The following PXDN variants were observed in gnomAD, a reference collection of about 807,000 sequenced individuals.
The protein encoded by PXDN is peroxidasin.
PXDN carries 77 observed loss-of-function variants against 140.3 expected under a neutral mutation model. That is an observed-to-expected ratio of 0.55 (90% confidence interval 0.46 to 0.66). PXDN has a LOEUF of 0.66. Among genes scored for constraint, PXDN ranks in the 30% least tolerant of loss-of-function variants. The pLI, the probability that PXDN is intolerant of heterozygous loss-of-function variation, is 0.00. For missense variants in PXDN, 1,838 were observed against 2,039.5 expected (o/e 0.90, Z 1.90); for synonymous variants, 911 against 857.4 (o/e 1.06, Z -1.09).
intron 1 of PXDN, among the ~76,000 whole-genome samples, chr2:1,719,109 C>G (rs997622699): frequency 1.3e-5 from 2 of 152,202 alleles, no homozygotes; most frequent in Non-Finnish European, 2.9e-5. Context: ...GCTCCTTAGA[C>G]GAGCGAGCCA....
intron 6 of PXDN, among the ~76,000 whole-genome samples, chr2:1,681,139 C>G (rs932294407): frequency 1.1e-4 from 16 of 152,210 alleles, no homozygotes; most frequent in African/African-American, 3.6e-4. Context: ...CCCCTCCAGC[C>G]GGCCTGTGCA....
chr2:1,677,648 C>T (rs1177247404), intron 7 of PXDN, among the ~76,000 whole-genome samples: 6 of 151,130 alleles, frequency 4.0e-5, no homozygotes, highest in African/African-American at 1.5e-4. Context: ...GCTCCCAGGC[C>T]TTCCTCGAGG....
chr2:1,692,145 G>A (rs545715097), intron 2 of PXDN, 146 bp from the exon 3 acceptor site: 6 of 643,834 alleles, frequency 9.3e-6, no homozygotes, highest in East Asian at 2.8e-5. Context: ...CGCTGAACCC[G>A]CAGGACAAAA....
At chr2:1,674,250 C>A (rs985318933) in intron 8 of PXDN, among the ~76,000 whole-genome samples, 1 of 152,214 alleles carries the variant, frequency 6.6e-6, no homozygotes. Context: ...CACTCTGCAG[C>A]CCAGGCTGGA....
At chr2:1,718,922 G>T (rs897112011) in intron 1 of PXDN, among the ~76,000 whole-genome samples, 1 of 152,258 alleles carries the variant, frequency 6.6e-6, no homozygotes, top group East Asian at 1.9e-4. Context: ...CCAAAGAGGG[G>T]TTCTTATGGC....
At chr2:1,694,137 T>C (rs1684245552) in intron 1 of PXDN, among the ~76,000 whole-genome samples, 1 of 152,222 alleles carries the variant, frequency 6.6e-6, no homozygotes, top group Non-Finnish European at 1.5e-5. Context: ...CAATCTCTTT[T>C]AATATCGTCC....
chr2:1,742,093 G>A (rs1409069341), intron 1 of PXDN, among the ~76,000 whole-genome samples: 1 of 152,134 alleles, frequency 6.6e-6, no homozygotes, highest in Non-Finnish European at 1.5e-5. Flanking sequence ...TAAAAATCAC[G>A]CGGCTGCAAT....
chr2:1,653,206 G>A (rs114657422), intron 16 of PXDN: 233 of 314,540 alleles, frequency 7.4e-4, no homozygotes, highest in Non-Finnish European at 1.2e-3. Flanking sequence ...TCACAGACCC[G>A]GGACTCTTCC....
intron 1 of PXDN, among the ~76,000 whole-genome samples, chr2:1,739,882 C>G (rs1040271828): frequency 6.6e-6 from 1 of 152,232 alleles, no homozygotes; most frequent in Non-Finnish European, 1.5e-5. Flanking sequence ...AATGTATTTG[C>G]GTGGCAATAA....
intron 13 of PXDN, 146 bp downstream of exon 13, chr2:1,661,926 G>A: frequency 1.5e-6 from 1 of 658,538 alleles, no homozygotes; most frequent in South Asian, 1.9e-5. Flanking sequence ...GGCAGCAGCT[G>A]TCCAGCCCAT....
intron 1 of PXDN, among the ~76,000 whole-genome samples, chr2:1,741,156 G>A (rs770384676): frequency 1.5e-4 from 23 of 152,222 alleles, no homozygotes; most frequent in Middle Eastern, 3.4e-3. Context: ...GCACCCTAGC[G>A]GCGTGACCGT....
At position 1,687,762 on chromosome 2, in the gene PXDN, G is replaced by T; in HGVS notation, c.345-59C>A. On this transcript the variant is annotated intron_variant, in intron 3 of 22. Coordinates refer to ENST00000252804, the MANE Select transcript of PXDN (RefSeq NM_012293.3). The surrounding 1 kb of genome is among the most constrained non-coding windows in gnomAD (Gnocchi z 4.0). ...CAGACAGGAGGTCAAACTTCAGACG[G>T]AAAAGAAGAATTAAATTGACACATG... is the stretch of plus-strand genomic sequence containing the variant. 1 of 1,288,304 alleles carries T rather than the reference G, an allele frequency of 7.8e-7. No homozygotes were observed. The highest frequency in any genetic ancestry group is 1.1e-6 in the Non-Finnish European group (1 of 912,406). 79.8% of individuals were successfully genotyped at this position (1,288,304 alleles called of 1,614,324 possible).
intron 1 of PXDN, among the ~76,000 whole-genome samples, chr2:1,702,800 T>C (rs1183482956): frequency 2.0e-5 from 3 of 152,170 alleles, no homozygotes; most frequent in Middle Eastern, 3.4e-3. Flanking sequence ...AGCTAATTTT[T>C]TGTATTTTTA....
intron 7 of PXDN, among the ~76,000 whole-genome samples, chr2:1,677,545 T>C (rs1683751220): frequency 6.6e-6 from 1 of 152,168 alleles, no homozygotes; most frequent in Non-Finnish European, 1.5e-5. Context: ...CCCTCCACCC[T>C]GGGCAAGGGG....
At chr2:1,638,746 C>G in intron 21 of PXDN, 100 bp downstream of exon 21, 1 of 1,552,084 alleles carries the variant, frequency 6.4e-7, no homozygotes, top group South Asian at 1.1e-5. Flanking sequence ...GGCAGTTGAA[C>G]AGTTGCCTGG....
At chr2:1,697,481 A>G (rs1051943836) in intron 1 of PXDN, among the ~76,000 whole-genome samples, 1 of 152,238 alleles carries the variant, frequency 6.6e-6, no homozygotes, top group Admixed American at 6.5e-5. Flanking sequence ...AGCTTTGCAC[A>G]TGTCTGGGCA....
At chr2:1,677,376 C>T (rs1229235247) in intron 7 of PXDN, among the ~76,000 whole-genome samples, 2 of 152,228 alleles carry the variant, frequency 1.3e-5, no homozygotes, top group Non-Finnish European at 2.9e-5. Flanking sequence ...GGAGTGGATA[C>T]GCCACGGGTC....
intron 1 of PXDN, among the ~76,000 whole-genome samples, chr2:1,743,373 C>A (rs1049366301): frequency 6.6e-6 from 1 of 152,236 alleles, no homozygotes; most frequent in Non-Finnish European, 1.5e-5. Flanking sequence ...TAGACCCGGG[C>A]TGCCCCGAGA....
At chr2:1,650,829 T>C (rs1295618203) in intron 16 of PXDN, among the ~76,000 whole-genome samples, 1 of 152,118 alleles carries the variant, frequency 6.6e-6, no homozygotes, top group Non-Finnish European at 1.5e-5. Context: ...GCTTCTTTTT[T>C]CTAAAGTTTC....
Sources: gnomAD v4.1 joint callset for allele counts (sites outside exome capture counted in the v4.1 genomes callset) on GRCh38, gnomAD v4.1.1 for gene constraint, Gnocchi (gnomAD v3.1) non-coding constraint, MANE v1.5 for transcripts, NCBI Gene and HGNC (gene_info 2026-07-23, HGNC 2026-07-21) for gene names.